MAP3K5: variants seen among roughly 807,000 people sequenced by gnomAD.
MAP3K5 encodes ASK-1.
A neutral mutation model predicts 158.7 loss-of-function variants in MAP3K5; 56 were observed. The ratio of observed to expected loss-of-function variants is 0.35; its 90% CI spans 0.28 to 0.44. The LOEUF is 0.44. MAP3K5 is among the 20% of genes least tolerant of loss of function. The probability of loss-of-function intolerance (pLI) is 1.00; values close to 1 mark genes in which losing one functional copy is unlikely to be tolerated. For synonymous variants in MAP3K5, 579 were observed against 601.7 expected, an observed-to-expected ratio of 0.96 and a Z score of 0.55; for missense variants, 1,294 against 1,674.8, an observed-to-expected ratio of 0.77 and a Z score of 3.97.
chr6:136,602,094 C>T lies in MAP3K5; in HGVS notation c.2680-115G>A, dbSNP rs1775903717. The T allele has an allele frequency of 6.6e-6, 5 of 760,008 alleles. No individual in the cohort carries two copies. The East Asian group carries it at 1.1e-4, about 16-fold the overall frequency. 47.1% of individuals were successfully genotyped at this position (760,008 alleles called of 1,614,324 possible). On this transcript the variant is annotated intron_variant, in intron 19 of 29. Transcript: ENST00000359015. The stretch of plus-strand genomic sequence containing the variant: ...CAACAAGATCCCTTATCATACAACA[C>T]AAACTTATGGCTTTTCTCAAAGGGA...
chr6:136,758,403 AC>A (rs1685054439), intron 1 of MAP3K5, among the ~76,000 whole-genome samples: 1 of 152,264 alleles, frequency 6.6e-6, no homozygotes, highest in Non-Finnish European at 1.5e-5. Flanking sequence ...AACGAAAATG[AC>A]AACAGTCTCT....
In MAP3K5 at chr6:136,557,354, C is replaced by T. The variant is rs1830295706; in HGVS notation, c.*404G>A. 1 of 167,282 alleles carries T rather than the reference C, an allele frequency of 6.0e-6. No individual in the cohort carries two copies. The highest frequency in any genetic ancestry group is 1.3e-5 in the Non-Finnish European group (1 of 77,644). The allele number at this position is 167,282 out of a possible 1,614,324, so 10.4% of individuals were successfully genotyped here. A position where few individuals can be genotyped will look rare whatever the true frequency, so the allele number is the denominator to read the frequency against. On this transcript the variant is annotated 3_prime_UTR_variant, in exon 30 of 30. Transcript: ENST00000359015. ...GAGCATATTACAAACACACAGAAGC[C>T]TAAACAGTTATGGTCACATTTTGGT...
intron 7 of MAP3K5, among the ~76,000 whole-genome samples, chr6:136,679,372 TTTGTGATATAACAG>T (rs1473038114): frequency 6.6e-6 from 1 of 152,356 alleles, no homozygotes; most frequent in East Asian, 1.9e-4. Context: ...TTTTTCCTTG[TTTGTGATATAACAG>T]TTGTGATTCT....
rs1266911449 is a variant in MAP3K5, at chr6:136,757,575, A to ATTT, written c.448+34132_448+34134dup. Among the ~76,000 whole-genome samples, 538 of 110,894 alleles carry ATTT rather than the reference A, an allele frequency of 4.9e-3. 10 individuals carry two copies. Among genetic ancestry groups the ATTT allele is most frequent in the African/African-American group, 0.017 (504 of 29,996 alleles). The allele number at this position is 110,894 out of a possible 152,430, so 72.8% of individuals were successfully genotyped here. ...GAGAACTCATTTTATAGATTTATTT[A>ATTT]TTTATTTTTTATTTTTTTTTTTTTT... is the stretch of plus-strand genomic sequence containing the variant. On this transcript the variant is annotated intron_variant, in intron 1 of 29. Coordinates refer to ENST00000359015, the MANE Select transcript of MAP3K5 (RefSeq NM_005923.4).
chr6:136,782,285 A>G (rs1037396411), intron 1 of MAP3K5, among the ~76,000 whole-genome samples: 12 of 129,210 alleles, frequency 9.3e-5, no homozygotes, highest in Non-Finnish European at 1.6e-4. Flanking sequence ...ATCTCAAAAT[A>G]AAAAAAAAAA....
chr6:136,695,031 A>G (rs976291450), intron 6 of MAP3K5, among the ~76,000 whole-genome samples: 1 of 152,118 alleles, frequency 6.6e-6, no homozygotes, highest in African/African-American at 2.4e-5. Flanking sequence ...GTGGTTGCCT[A>G]GAGTTGGGGG....
chr6:136,725,487 C>G (rs914207173), intron 1 of MAP3K5, among the ~76,000 whole-genome samples: 4 of 152,148 alleles, frequency 2.6e-5, no homozygotes, highest in African/African-American at 7.2e-5. Context: ...TGCTTATTTG[C>G]TATCTGTATA....
chr6:136,768,489 G>A (rs1273727844), intron 1 of MAP3K5, among the ~76,000 whole-genome samples: 8 of 152,170 alleles, frequency 5.3e-5, no homozygotes, highest in Non-Finnish European at 1.2e-4. Context: ...CAAAACCACA[G>A]TAAGGTACCA....
At chr6:136,765,247 C>G (rs953557654) in intron 1 of MAP3K5, among the ~76,000 whole-genome samples, 2 of 152,126 alleles carry the variant, frequency 1.3e-5, no homozygotes, top group African/African-American at 2.4e-5. Context: ...TAATTCCTTA[C>G]GTGCATGATC....
At chr6:136,632,059 A>C (rs148788978) in intron 14 of MAP3K5, among the ~76,000 whole-genome samples, 1 of 152,254 alleles carries the variant, frequency 6.6e-6, no homozygotes, top group East Asian at 1.9e-4. Flanking sequence ...TGAGGAGAAA[A>C]GTTTGTGAGG....
At chr6:136,592,709 A>G (rs1199714206) in intron 21 of MAP3K5, 95 bp from the exon 22 acceptor site, 1 of 1,060,774 alleles carries the variant, frequency 9.4e-7, no homozygotes, top group African/African-American at 1.6e-5. Context: ...TCTTTGTCAA[A>G]TATCTTGTTG....
intron 21 of MAP3K5, among the ~76,000 whole-genome samples, chr6:136,597,215 C>T (rs1287264667): frequency 1.3e-5 from 2 of 152,138 alleles, no homozygotes; most frequent in East Asian, 3.9e-4. Context: ...GATAGCTTTA[C>T]CAAGAGGCCA....
chr6:136,716,646 TACTC>T lies in MAP3K5; in HGVS notation c.588+3800_588+3803del, dbSNP rs1245092286. On this transcript the variant is annotated intron_variant, in intron 2 of 29. Coordinates refer to ENST00000359015, the MANE Select transcript of MAP3K5 (RefSeq NM_005923.4). ...CTCATTGACCAGGAGTGTCCAGACT[TACTC>T]ACCACTTACTGAGAGACCCCAAGTG... is the stretch of plus-strand genomic sequence containing the variant. 2.6e-5 allele frequency among the ~76,000 whole-genome samples: 4 copies of T among 152,344 alleles called. No individual in the cohort carries two copies. The East Asian group carries it at 5.8e-4, about 22-fold the overall frequency.
chr6:136,640,020 C>A (rs911191330), intron 12 of MAP3K5, among the ~76,000 whole-genome samples: 2 of 152,198 alleles, frequency 1.3e-5, no homozygotes, highest in Non-Finnish European at 2.9e-5. Flanking sequence ...ATCTGTAGAA[C>A]AATGAAATGT....
chr6:136,609,742 C>T lies in MAP3K5; in HGVS notation c.2521+1540G>A, dbSNP rs1776250532. On this transcript the variant is annotated intron_variant, in intron 18 of 29. Coordinates refer to ENST00000359015, the MANE Select transcript of MAP3K5 (RefSeq NM_005923.4). The surrounding 1 kb of genome is among the most constrained non-coding windows in gnomAD (Gnocchi z 4.4). ...CCGGGGTAGGGGAGGTCACAGTGAG[C>T]AGAGATTACACCACTGTACTTCAGC... 1.3e-5 allele frequency among the ~76,000 whole-genome samples: 2 copies of T among 151,672 alleles called. No homozygotes were observed. Among genetic ancestry groups the T allele is most frequent in the Admixed American group, 1.3e-4 (2 of 15,198 alleles).
intron 1 of MAP3K5, among the ~76,000 whole-genome samples, chr6:136,768,038 T>C (rs1784034390): frequency 6.6e-6 from 1 of 152,180 alleles, no homozygotes; most frequent in African/African-American, 2.4e-5. Context: ...CTAACTCACA[T>C]GATAGATAAA....
At chr6:136,691,207 A>ATTTG (rs1181617720) in intron 7 of MAP3K5, among the ~76,000 whole-genome samples, 1 of 151,742 alleles carries the variant, frequency 6.6e-6, no homozygotes, top group Non-Finnish European at 1.5e-5. Flanking sequence ...GCTGTTTTTT[A>ATTTG]TTTGTTTGTT....
intron 14 of MAP3K5, among the ~76,000 whole-genome samples, chr6:136,629,506 G>C (rs1298953721): frequency 2.6e-5 from 4 of 152,142 alleles, no homozygotes; most frequent in East Asian, 3.9e-4. Context: ...CCAGGCTGGA[G>C]TGCAGTGGCA....
At chr6:136,784,001 G>A (rs926786639) in intron 1 of MAP3K5, among the ~76,000 whole-genome samples, 1 of 152,214 alleles carries the variant, frequency 6.6e-6, no homozygotes, top group African/African-American at 2.4e-5. Flanking sequence ...TCTGAAACAG[G>A]AAGTAGGGCA....
Sources: gnomAD v4.1 joint callset for allele counts (sites outside exome capture counted in the v4.1 genomes callset) on GRCh38, gnomAD v4.1.1 for gene constraint, Gnocchi (gnomAD v3.1) non-coding constraint, MANE v1.5 for transcripts, NCBI Gene and HGNC (gene_info 2026-07-23, HGNC 2026-07-21) for gene names.